RASGRP3: variants seen among roughly 807,000 people sequenced by gnomAD.
The protein encoded by RASGRP3 is ras guanyl-releasing protein 3.
In RASGRP3, 54 loss-of-function variants were observed where a neutral mutation model predicts 82.7. The ratio of observed to expected loss-of-function variants is 0.65; its 90% CI spans 0.52 to 0.82. The LOEUF is 0.82. Ranked by LOEUF, RASGRP3 falls within the 40% of genes least tolerant of loss-of-function variation. The pLI is 0.00. For synonymous variants in RASGRP3, 309 were observed against 300.5 expected, an observed-to-expected ratio of 1.03 and a Z score of -0.29; for missense variants, 861 against 828.9, an observed-to-expected ratio of 1.04 and a Z score of -0.48.
At chr2:33,453,944 G>T (rs933436634) in intron 2 of RASGRP3, among the ~76,000 whole-genome samples, 1 of 152,072 alleles carries the variant, frequency 6.6e-6, no homozygotes, top group Non-Finnish European at 1.5e-5. Flanking sequence ...CACTATCCTG[G>T]AGGCTGAAGC....
chr2:33,499,337 C>T (rs372591089), intron 1 of RASGRP3, among the ~76,000 whole-genome samples: 20 of 152,228 alleles, frequency 1.3e-4, no homozygotes, highest in South Asian at 1.2e-3. Flanking sequence ...GTGGGTGGAT[C>T]GCCTGAGCTC....
intron 1 of RASGRP3, among the ~76,000 whole-genome samples, chr2:33,485,803 C>T (rs1275192280): frequency 7.9e-5 from 12 of 152,078 alleles, no homozygotes; most frequent in Non-Finnish European, 1.3e-4. Flanking sequence ...TTGGAATTTG[C>T]GGGAACTTTG....
At chr2:33,539,315 C>A in intron 12 of RASGRP3, 105 bp downstream of exon 12, 1 of 921,488 alleles carries the variant, frequency 1.1e-6, no homozygotes, top group South Asian at 1.6e-5. Flanking sequence ...GAAAACAACC[C>A]TCTGGCAGGT....
intron 1 of RASGRP3, chr2:33,482,478 T>C (rs1668024992): frequency 6.6e-6 from 1 of 152,244 alleles, no homozygotes; most frequent in African/African-American, 2.4e-5. Flanking sequence ...TGCTCTTCAG[T>C]GTGCACGCTC....
In RASGRP3 at chr2:33,467,980, T is replaced by TTTTCTTTCTTTCTTTC. The variant is rs60989460; in HGVS notation, c.-261+20087_-261+20102dup. 6.3e-4 allele frequency among the ~76,000 whole-genome samples: 73 copies of TTTTCTTTCTTTCTTTC among 116,406 alleles called. 1 individual carries two copies. Among genetic ancestry groups the TTTTCTTTCTTTCTTTC allele is most frequent in the East Asian group, 4.5e-3 (17 of 3,766 alleles). 76.4% of individuals were successfully genotyped at this position (116,406 alleles called of 152,430 possible). A position where few individuals can be genotyped will look rare whatever the true frequency, so the allele number is the denominator to read the frequency against. ...GGTTTTTCTAATGGATGGTGAGGCTTTTTCTTTCTTTCTTTCTTTCTTTCT... is the reference window on the plus strand; with the variant it reads ...GGTTTTTCTAATGGATGGTGAGGCTTTTTCTTTCTTTCTTTCTTTCTTTCTTTCTTTCTTTCTTTCT... On this transcript the variant is annotated intron_variant, in intron 2 of 18. Coordinates refer to the RASGRP3 transcript ENST00000402538.
chr2:33,474,242 G>C (rs1416849117), upstream of RASGRP3, among the ~76,000 whole-genome samples: 1 of 152,180 alleles, frequency 6.6e-6, no homozygotes. Flanking sequence ...GGTGGAGCCT[G>C]GTGGGAAGTG....
intron 10 of RASGRP3, chr2:33,532,488 G>A (rs531787735): frequency 2.0e-5 from 3 of 152,246 alleles, no homozygotes; most frequent in Non-Finnish European, 2.9e-5. Context: ...CAAATAAGAC[G>A]TTTCTATCAA....
chr2:33,538,503 AAAATAAATAAAT>A (rs3083025), intron 11 of RASGRP3, among the ~76,000 whole-genome samples: 2 of 145,288 alleles, frequency 1.4e-5, no homozygotes, highest in Non-Finnish European at 3.1e-5. Flanking sequence ...ACTCTGTCTC[AAAATAAATAAAT>A]AAATAAATAA....
intron 2 of RASGRP3, among the ~76,000 whole-genome samples, chr2:33,459,437 A>G (rs1666231746): frequency 6.6e-6 from 1 of 152,186 alleles, no homozygotes; most frequent in Non-Finnish European, 1.5e-5. Context: ...CCCAGCCAAG[A>G]CTTTTTAAGT....
rs986837559 is a variant in RASGRP3 at position 33,563,514 on chromosome 2, C to T, written c.*777C>T. 2.0e-5 allele frequency: 3 copies of T among 152,202 alleles called. No individual in the cohort carries two copies. Among genetic ancestry groups the T allele is most frequent in the Admixed American group, 2.0e-4 (3 of 15,284 alleles). The allele number at this position is 152,202 out of a possible 1,614,324, so 9.4% of individuals were successfully genotyped here. A position where few individuals can be genotyped will look rare whatever the true frequency, so the allele number is the denominator to read the frequency against. ...TGGAAGAAAATTATGCTTGTCCCTT[C>T]TGACTGGGTTAAGCCATCTTTCTTA... On this transcript the variant is annotated 3_prime_UTR_variant, in exon 18 of 18. Transcript: ENST00000403687.
intron 2 of RASGRP3, chr2:33,513,819 G>A (rs1671168176): frequency 6.6e-6 from 1 of 152,204 alleles, no homozygotes; most frequent in Admixed American, 6.5e-5. Context: ...TTTTCCTTCT[G>A]TCTCTGTAAC....
At chr2:33,527,016 A>G (rs994372620) in intron 9 of RASGRP3, 121 bp from the exon 10 acceptor site, 41 of 1,023,496 alleles carry the variant, frequency 4.0e-5, no homozygotes, top group Non-Finnish European at 5.8e-5. Flanking sequence ...CCCTGCAGCA[A>G]CATTGGTGCA....
intron 11 of RASGRP3, among the ~76,000 whole-genome samples, chr2:33,537,320 A>ACCACCCCCCCCCCCCC (rs1266542679): frequency 3.0e-5 from 1 of 33,322 alleles, no homozygotes; most frequent in Non-Finnish European, 5.6e-5. Context: ...ACACACACAC[A>ACCACCCCCCCCCCCCC]CCGCCCCCCC....
chr2:33,527,351 T>C lies in RASGRP3; in HGVS notation c.1022T>C (p.Val341Ala). The stretch of plus-strand genomic sequence containing the variant: ...CTCTCCGTTACCCTGAGTGAACTAG[T>C]CTCCCTGCAGAATGCCTCTCACCAC... ...HQLSVTLSELVSLQNASHHLE... is the reference protein window; with the variant it reads ...HQLSVTLSELASLQNASHHLE... Residue 341 changes from valine to alanine, a missense_variant, in exon 10 of 18, where the codon GTC becomes GCC. Val to Ala is a moderately conservative substitution (Grantham distance 64, BLOSUM62 0). Coordinates refer to ENST00000403687, the MANE Select transcript of RASGRP3 (RefSeq NM_001139488.2). 1 of 1,613,890 alleles carries C rather than the reference T, an allele frequency of 6.2e-7. No homozygotes were observed. Among genetic ancestry groups the C allele is most frequent in the Non-Finnish European group, 8.5e-7 (1 of 1,179,806 alleles).
intron 1 of RASGRP3, among the ~76,000 whole-genome samples, chr2:33,477,208 A>G (rs1451094182): frequency 1.3e-5 from 2 of 152,222 alleles, no homozygotes; most frequent in African/African-American, 4.8e-5. Context: ...TTTTGAGAAT[A>G]TCTCATTTAA....
intron 2 of RASGRP3, among the ~76,000 whole-genome samples, chr2:33,513,674 G>A (rs1021696836): frequency 1.3e-5 from 2 of 152,166 alleles, no homozygotes; most frequent in Admixed American, 6.5e-5. Context: ...TGGCATCAAG[G>A]ACCTGCTCTG....
rs112109754 is a variant in RASGRP3, at chr2:33,457,073, G to A, written c.-261+9130G>A. On this transcript the variant is annotated intron_variant, in intron 2 of 18. Transcript: ENST00000402538. ...GTGGATAGAGATGGGGTTTCCTTATGTTGACCAGGCTGGTCTCAAACTCCT... is the reference window on the plus strand; with the variant it reads ...GTGGATAGAGATGGGGTTTCCTTATATTGACCAGGCTGGTCTCAAACTCCT... Among the ~76,000 whole-genome samples the A allele has an allele frequency of 9.4e-3, 1,433 of 151,932 alleles. 20 individuals are homozygous for A. Among genetic ancestry groups the A allele is most frequent in the African/African-American group, 0.034 (1,399 of 41,422 alleles).
At position 33,516,549 on chromosome 2, in the gene RASGRP3, T is replaced by G; in HGVS notation, c.78T>G (p.Asn26Lys). Residue 26 changes from asparagine to lysine, a missense_variant, in exon 4 of 18, where the codon AAT becomes AAG. Asn to Lys is a moderately conservative substitution (Grantham distance 94). Transcript: ENST00000403687. ...LCTCIEMFDD[N>K]GELDNSYLPR... is the part of the protein sequence containing the mutation. ...GTTTTATTTTTCTAACAGATGACAATGGAGAGCTGGATAATAGTTATTTGC... is the reference window on the plus strand; with the variant it reads ...GTTTTATTTTTCTAACAGATGACAAGGGAGAGCTGGATAATAGTTATTTGC... 1.9e-6 allele frequency: 3 copies of G among 1,558,132 alleles called. No individual in the cohort carries two copies. The highest frequency in any genetic ancestry group is 1.4e-5 in the African/African-American group (1 of 74,008).
intron 13 of RASGRP3, among the ~76,000 whole-genome samples, chr2:33,546,138 A>T (rs1313647321): frequency 6.6e-6 from 1 of 151,606 alleles, no homozygotes; most frequent in Non-Finnish European, 1.5e-5. Flanking sequence ...AAAGTCTAAA[A>T]ATTGGCTGGG....
Sources: gnomAD v4.1 joint callset for allele counts (sites outside exome capture counted in the v4.1 genomes callset) on GRCh38, gnomAD v4.1.1 for gene constraint, MANE v1.5 for transcripts, NCBI Gene and HGNC (gene_info 2026-07-23, HGNC 2026-07-21) for gene names.